The following DMD variants were observed in gnomAD, a reference collection of about 807,000 sequenced individuals.
DMD encodes the protein mutant dystrophin.
A neutral mutation model predicts 330.1 loss-of-function variants in DMD; 63 were observed. That is an observed-to-expected ratio of 0.19 (90% CI 0.16 to 0.24). The LOEUF is 0.24. Ranked by LOEUF, DMD falls within the 10% of genes least tolerant of loss-of-function variation. The pLI, the probability that DMD is intolerant of heterozygous loss-of-function variation, is 1.00. For synonymous variants in DMD, 1,223 were observed against 959.8 expected (o/e 1.27, Z -5.07); for missense variants, 3,344 against 2,684.1 (o/e 1.25, Z -5.43).
chrX:32,943,668 G>T (rs10126880), intron 2 of DMD, among the ~76,000 whole-genome samples: 1 of 110,662 alleles, frequency 9.0e-6, no homozygotes, highest in Admixed American at 9.6e-5. Context: ...GCATTTCTTC[G>T]ATAATTTCCC....
intron 59 of DMD, among the ~76,000 whole-genome samples, chrX:31,445,754 T>C (rs1921965): frequency 0.068 from 7,585 of 110,978 alleles, 231 homozygotes; most frequent in East Asian, 0.2. Flanking sequence ...CAATACATCA[T>C]AGCAATCCGT....
chrX:31,949,892 T>C (rs1278556541), intron 45 of DMD, among the ~76,000 whole-genome samples: 1 of 109,088 alleles, frequency 9.2e-6, no homozygotes, highest in Non-Finnish European at 1.9e-5. Flanking sequence ...TGGTAATTCT[T>C]TTTTTTTTGG....
At chrX:32,413,663 A>G (rs2098153440) in intron 29 of DMD, among the ~76,000 whole-genome samples, 2 of 109,658 alleles carry the variant, frequency 1.8e-5, no homozygotes, top group African/African-American at 6.6e-5. Flanking sequence ...CTTCCTGTCT[A>G]AAATTCTCTA....
intron 7 of DMD, among the ~76,000 whole-genome samples, chrX:32,762,390 G>C (rs949399145): frequency 9.0e-6 from 1 of 111,277 alleles, no homozygotes; most frequent in Non-Finnish European, 1.9e-5. Flanking sequence ...CTAGCTACTG[G>C]CTATACAGTA....
At chrX:33,309,698 G>A (rs916440273) in intron 1 of DMD, among the ~76,000 whole-genome samples, 9 of 111,075 alleles carry the variant, frequency 8.1e-5, no homozygotes, top group Non-Finnish European at 1.5e-4. Flanking sequence ...CTACCAGTAG[G>A]TGGGTCACTC....
Position 32,565,870 on chromosome X carries a change from C to T in DMD, c.1824G>A (p.Ala608=), listed in dbSNP as rs151013182. The T allele has an allele frequency of 9.8e-5, 119 of 1,208,165 alleles. No homozygotes were observed. Among genetic ancestry groups the T allele is most frequent in the Non-Finnish European group, 1.2e-4 (110 of 894,005 alleles). ...SSLQKLAVLK[A]DLEKKKQSMG... is the part of the protein sequence containing the mutation. ...TGGATTGCTTTTTCTTTTCTAGATC[C>T]GCTTTTAAAACCTGTTAAAACAAGA... is the stretch of plus-strand genomic sequence containing the variant. Residue 608 remains alanine (A), a synonymous_variant, in exon 16 of 79, where the codon GCG becomes GCA. Transcript: ENST00000357033.
At chrX:31,162,014 C>G (rs1312736487) in intron 74 of DMD, among the ~76,000 whole-genome samples, 1 of 102,977 alleles carries the variant, frequency 9.7e-6, no homozygotes, top group Non-Finnish European at 1.9e-5. Flanking sequence ...CTCTTAAACT[C>G]TCTTTGTAAA....
chrX:32,518,448 G>A (rs1284120384), intron 17 of DMD, among the ~76,000 whole-genome samples: 5 of 107,513 alleles, frequency 4.7e-5, no homozygotes, highest in Non-Finnish European at 5.7e-5. Context: ...TACTTCCCAC[G>A]ATAACCTTTT....
intron 30 of DMD, among the ~76,000 whole-genome samples, chrX:32,402,792 T>C (rs1193922723): frequency 8.9e-6 from 1 of 111,848 alleles, no homozygotes; most frequent in Non-Finnish European, 1.9e-5. Flanking sequence ...CAAGAAGTCT[T>C]TATGATACTA....
chrX:32,991,016 T>C (rs181749902), intron 2 of DMD, among the ~76,000 whole-genome samples: 2 of 111,540 alleles, frequency 1.8e-5, no homozygotes, highest in East Asian at 5.6e-4. Flanking sequence ...GGAGACTGCT[T>C]ACCACAGTGA....
chrX:32,077,014 A>G, intron 44 of DMD, among the ~76,000 whole-genome samples: 1 of 112,332 alleles, frequency 8.9e-6, no homozygotes, highest in Admixed American at 9.4e-5. Context: ...TTTTCAGTGT[A>G]AGGCAATGAG....
intron 55 of DMD, among the ~76,000 whole-genome samples, chrX:31,522,363 C>CTCTCTCTATATATATATATATATA: frequency 3.6e-4 from 13 of 35,962 alleles, no homozygotes; most frequent in African/African-American, 5.7e-4. Context: ...CTCTCTCTCT[C>CTCTCTCTATATATATATATATATA]TATATATATA....
chrX:33,148,460 A>C (rs867799906), intron 1 of DMD, among the ~76,000 whole-genome samples: 1 of 112,300 alleles, frequency 8.9e-6, no homozygotes, highest in Middle Eastern at 4.6e-3. Context: ...CCTATCAGTC[A>C]GGTTTTTAAA....
At chrX:31,350,037 C>T (rs1031227233) in intron 60 of DMD, among the ~76,000 whole-genome samples, 4 of 111,108 alleles carry the variant, frequency 3.6e-5, no homozygotes, top group African/African-American at 9.8e-5. Context: ...GGCCCAAATA[C>T]GTGGATAACC....
chrX:32,456,740 G>A (rs1192400221), intron 25 of DMD, among the ~76,000 whole-genome samples: 1 of 108,566 alleles, frequency 9.2e-6, no homozygotes, highest in Non-Finnish European at 1.9e-5. Flanking sequence ...AGAAATATAG[G>A]AGACAAGAAA....
chrX:31,925,617 A>G (rs1415118696), intron 47 of DMD, among the ~76,000 whole-genome samples: 1 of 111,651 alleles, frequency 9.0e-6, no homozygotes, highest in East Asian at 2.8e-4. Flanking sequence ...CACGCCTGTA[A>G]TATCAGCAAT....
intron 29 of DMD, among the ~76,000 whole-genome samples, chrX:32,426,289 A>G (rs927402919): frequency 8.9e-6 from 1 of 111,940 alleles, no homozygotes; most frequent in African/African-American, 3.3e-5. Flanking sequence ...AATTTATTTT[A>G]AAAACTCTAC....
At chrX:32,751,061 A>G (rs1230905348) in intron 7 of DMD, among the ~76,000 whole-genome samples, 3 of 111,672 alleles carry the variant, frequency 2.7e-5, no homozygotes, top group Non-Finnish European at 5.6e-5. Context: ...TCCTGTATAA[A>G]TTATCCATTC....
chrX:32,426,602 T>C (rs956927258), intron 29 of DMD, among the ~76,000 whole-genome samples: 3 of 111,181 alleles, frequency 2.7e-5, no homozygotes, highest in Non-Finnish European at 5.7e-5. Flanking sequence ...GCAACCCCAT[T>C]ACCGGGTGTA....
Sources: allele counts gnomAD v4.1 joint callset (sites outside exome capture counted in the v4.1 genomes callset), GRCh38; gene constraint gnomAD v4.1.1; transcripts MANE v1.5; gene names NCBI Gene and HGNC (gene_info 2026-07-23, HGNC 2026-07-21).